Variants in NRXN3 observed in about 807,000 individuals in gnomAD.
The protein encoded by NRXN3 is neurexin III.
In NRXN3, 32 loss-of-function variants were observed where a neutral mutation model predicts 137.6. That is an observed-to-expected ratio of 0.23 (90% confidence interval 0.18 to 0.31). The LOEUF (loss-of-function observed/expected upper bound fraction) is 0.31, where lower values mean the gene tolerates loss of function less well. NRXN3 is among the 10% of genes least tolerant of loss of function. The pLI, the probability that NRXN3 is intolerant of heterozygous loss-of-function variation, is 1.00. For missense variants in NRXN3, 1,574 were observed against 2,062.5 expected (o/e 0.76, Z 4.59); for synonymous variants, 798 against 784.5 (o/e 1.02, Z -0.29).
Position 79,780,585 on chromosome 14 carries a change from GGCGACA to G in NRXN3, c.4015-24525_4015-24520del, listed in dbSNP as rs1432384330. On this transcript the variant is annotated intron_variant, in intron 19 of 20. Transcript: ENST00000335750. ...GACTGCGCCACTGCACTCCAGCCTG[GGCGACA>G]GAGCGAGACTCTGTCCCTAAATAAA... Among the ~76,000 whole-genome samples, 10 of 152,152 alleles carry G rather than the reference GGCGACA, an allele frequency of 6.6e-5. No individual in the cohort carries two copies. In the South Asian group the frequency reaches 2.1e-3, roughly 32 times the overall value.
intron 4 of NRXN3, among the ~76,000 whole-genome samples, chr14:78,345,812 C>CA (rs1489784116): frequency 6.6e-6 from 1 of 152,082 alleles, no homozygotes; most frequent in East Asian, 1.9e-4. Context: ...CCACTTGTTG[C>CA]AAAAAATGTT....
At chr14:78,876,036 C>T (rs2099113291) in intron 10 of NRXN3, among the ~76,000 whole-genome samples, 1 of 152,126 alleles carries the variant, frequency 6.6e-6, no homozygotes, top group African/African-American at 2.4e-5. Flanking sequence ...TCTATCAGCC[C>T]AGCAGTCTTT....
chr14:79,246,972 A>G (rs1475492362), intron 15 of NRXN3: 3 of 152,232 alleles, frequency 2.0e-5, no homozygotes, highest in African/African-American at 7.2e-5. Flanking sequence ...TCCCACTAAC[A>G]CCAAAGCCAA....
intron 6 of NRXN3, among the ~76,000 whole-genome samples, chr14:78,680,035 T>C (rs1263228597): frequency 6.6e-6 from 1 of 152,094 alleles, no homozygotes; most frequent in Non-Finnish European, 1.5e-5. Flanking sequence ...TAAGTATATG[T>C]ATAATTACAT....
intron 16 of NRXN3, among the ~76,000 whole-genome samples, chr14:79,536,462 T>C (rs926404332): frequency 6.4e-4 from 98 of 152,224 alleles, no homozygotes; most frequent in African/African-American, 2.4e-3. Flanking sequence ...AATTATTTTT[T>C]TTTTAATTTA....
intron 4 of NRXN3, among the ~76,000 whole-genome samples, chr14:78,533,626 T>C (rs920153701): frequency 2.6e-5 from 4 of 152,228 alleles, no homozygotes; most frequent in Admixed American, 6.5e-5. Context: ...TTTCTCATGT[T>C]TGCGGTTTGT....
chr14:79,284,569 G>A (rs1358396933), intron 15 of NRXN3, among the ~76,000 whole-genome samples: 1 of 151,746 alleles, frequency 6.6e-6, no homozygotes, highest in Non-Finnish European at 1.5e-5. Context: ...GGAAAGCTCA[G>A]TTTTAAAAGG....
chr14:79,676,164 G>GT (rs1021773487), intron 17 of NRXN3, among the ~76,000 whole-genome samples: 1 of 151,990 alleles, frequency 6.6e-6, no homozygotes, highest in Non-Finnish European at 1.5e-5. Context: ...TTGATCTGAT[G>GT]TTCTGAGGAT....
intron 10 of NRXN3, among the ~76,000 whole-genome samples, chr14:78,941,442 T>G (rs2099352721): frequency 6.6e-6 from 1 of 152,080 alleles, no homozygotes; most frequent in African/African-American, 2.4e-5. Flanking sequence ...CCACCCCCAT[T>G]CTCACCCAGT....
intron 6 of NRXN3, among the ~76,000 whole-genome samples, chr14:78,681,133 GAC>G (rs1442587776): frequency 2.0e-5 from 3 of 152,166 alleles, no homozygotes; most frequent in Admixed American, 6.5e-5. Context: ...TTCTTTCTAT[GAC>G]ACAGTCTTAT....
rs117122248 is a variant in NRXN3, at chr14:79,674,313, C to T, written c.3616+10364C>T. Among the ~76,000 whole-genome samples the T allele has an allele frequency of 8.8e-3, 1,331 of 152,036 alleles. 19 individuals carry two copies. The highest frequency in any genetic ancestry group is 0.027 in the Middle Eastern group (8 of 294). ...ATGATTGATAGGCAAAAAAATCCTG[C>T]GCATACTTTGATGAGTTTAGACATG... On this transcript the variant is annotated intron_variant, in intron 17 of 20. Coordinates refer to ENST00000335750, the MANE Select transcript of NRXN3 (RefSeq NM_001330195.2).
At chr14:79,101,241 T>C (rs2051241091) in intron 15 of NRXN3, among the ~76,000 whole-genome samples, 1 of 152,236 alleles carries the variant, frequency 6.6e-6, no homozygotes, top group Non-Finnish European at 1.5e-5. Flanking sequence ...AGTACAATAG[T>C]TAGTGTCCCA....
At chr14:79,697,576 G>T in intron 18 of NRXN3, 54 bp from the exon 19 acceptor site, 1 of 1,565,282 alleles carries the variant, frequency 6.4e-7, no homozygotes, top group South Asian at 1.2e-5. Context: ...ACCAGGTAAG[G>T]CAAACAAGGA....
intron 9 of NRXN3, among the ~76,000 whole-genome samples, chr14:78,807,639 G>T (rs1389147380): frequency 6.6e-6 from 1 of 151,040 alleles, no homozygotes; most frequent in Non-Finnish European, 1.5e-5. Flanking sequence ...AGAGGCTGAG[G>T]CAGGAGAATC....
intron 10 of NRXN3, among the ~76,000 whole-genome samples, chr14:78,851,428 A>G (rs1442155174): frequency 1.3e-5 from 2 of 152,204 alleles, no homozygotes; most frequent in East Asian, 3.9e-4. Flanking sequence ...CATCACTCGT[A>G]AAGGCTGTGT....
intron 4 of NRXN3, among the ~76,000 whole-genome samples, chr14:78,347,532 C>A (rs2082917192): frequency 6.6e-6 from 1 of 152,196 alleles, no homozygotes; most frequent in African/African-American, 2.4e-5. Flanking sequence ...CATTCCCCTA[C>A]CCATATTCCC....
At chr14:78,951,802 AATAG>A (rs2099387645) in intron 10 of NRXN3, among the ~76,000 whole-genome samples, 1 of 152,198 alleles carries the variant, frequency 6.6e-6, no homozygotes, top group African/African-American at 2.4e-5. Context: ...GAAAGATGTG[AATAG>A]ATAGTCTTGC....
intron 15 of NRXN3, among the ~76,000 whole-genome samples, chr14:79,188,396 AT>A (rs368149497): frequency 0.049 from 7,291 of 147,318 alleles, 238 homozygotes; most frequent in Non-Finnish European, 0.078. Context: ...TACAATACAT[AT>A]TTTTTTTTTT....
chr14:78,501,942 C>A lies in NRXN3; in HGVS notation c.758-143178C>A, dbSNP rs12586255. On this transcript the variant is annotated intron_variant, in intron 4 of 20. Transcript: ENST00000335750. ...CTGGCCTAGAGATCTTCTATGCAGC[C>A]CCCCCAGGGTCTGTTCTACTGCAGA... is the stretch of plus-strand genomic sequence containing the variant. Among the ~76,000 whole-genome samples the A allele has an allele frequency of 4.8e-3, 723 of 151,930 alleles. 1 individual carries two copies. The highest frequency in any genetic ancestry group is 8.4e-3 in the Non-Finnish European group (573 of 67,950).
Sources: gnomAD v4.1 joint callset for allele counts (sites outside exome capture counted in the v4.1 genomes callset) on GRCh38, gnomAD v4.1.1 for gene constraint, MANE v1.5 for transcripts, NCBI Gene and HGNC (gene_info 2026-07-23, HGNC 2026-07-21) for gene names.